Variants in ASPM observed in about 807,000 individuals in gnomAD.
ASPM encodes the protein assembly factor for spindle microtubules.
In ASPM, 256 loss-of-function variants were observed where a neutral mutation model predicts 366.4. That is an observed-to-expected ratio of 0.70 (90% CI 0.63 to 0.77). The LOEUF is 0.77. Ranked by LOEUF, ASPM falls within the 30% of genes least tolerant of loss-of-function variation. The pLI is 0.00. For synonymous variants in ASPM, 1,414 were observed against 1,342.9 expected (o/e 1.05, Z -1.16); for missense variants, 4,146 against 4,090.4 (o/e 1.01, Z -0.37).
intron 14 of ASPM, 31 bp from the exon 15 acceptor site, chr1:197,122,332 C>T (rs1255428511): frequency 1.1e-5 from 17 of 1,613,312 alleles, no homozygotes; most frequent in Admixed American, 1.7e-5. Flanking sequence ...AGAAATTAGC[C>T]GTAGCTTCAA....
In ASPM at chr1:197,088,148, C is replaced by T. The variant is rs1182421539; in HGVS notation, c.10161+108G>A. On this transcript the variant is annotated intron_variant, in intron 26 of 27. Coordinates refer to ENST00000367409, the MANE Select transcript of ASPM (RefSeq NM_018136.5). ...CGTGCAAAAAGCAGGTTTGAACACA[C>T]ATAAAACCCTATTTTAGAGTGATAA... 5.6e-6 allele frequency: 7 copies of T among 1,242,690 alleles called. No homozygotes were observed. In the East Asian group the frequency reaches 1.2e-4, roughly 21 times the overall value. 77.0% of individuals were successfully genotyped at this position (1,242,690 alleles called of 1,614,324 possible).
At chr1:197,139,296 G>A in intron 4 of ASPM, 2 of 889,018 alleles carry the variant, frequency 2.2e-6, no homozygotes, top group South Asian at 1.3e-5. Context: ...CACAGCAAAG[G>A]ATAACAGCCC....
chr1:197,113,753 G>T (rs1310288303), intron 17 of ASPM, among the ~76,000 whole-genome samples: 1 of 152,072 alleles, frequency 6.6e-6, no homozygotes, highest in African/African-American at 2.4e-5. Context: ...AACAATCATA[G>T]TATAACGCTC....
intron 13 of ASPM, among the ~76,000 whole-genome samples, chr1:197,123,843 T>A (rs190721010): frequency 6.6e-6 from 1 of 152,282 alleles, no homozygotes; most frequent in East Asian, 1.9e-4. Context: ...GATTCTTTTA[T>A]GTCCCAGTTC....
chr1:197,087,089 T>C (rs2125086470), intron 26 of ASPM, 117 bp from the exon 27 acceptor site: 2 of 949,550 alleles, frequency 2.1e-6, no homozygotes, highest in African/African-American at 1.7e-5. Flanking sequence ...TTTTTCTTTT[T>C]TGAGATGGTC....
chr1:197,118,117 C>G, intron 16 of ASPM, 134 bp from the exon 17 acceptor site: 1 of 846,884 alleles, frequency 1.2e-6, no homozygotes, highest in South Asian at 1.5e-5. Context: ...TTCTTGTGTT[C>G]ATCTTTGGAA....
rs781341693 is a variant in ASPM at position 197,106,100 on chromosome 1, C to A, written c.4066-915G>T. ...GTACCTCGCTCTCCTATAGCAGTAT[C>A]GAGTTTGCTTGCAGCTATCACTGGC... On this transcript the variant is annotated intron_variant, in intron 17 of 27. Coordinates refer to ENST00000367409, the MANE Select transcript of ASPM (RefSeq NM_018136.5). Among the ~76,000 whole-genome samples, 4 of 152,068 alleles carry A rather than the reference C, an allele frequency of 2.6e-5. No individual in the cohort carries two copies. The East Asian group carries it at 5.8e-4, about 22-fold the overall frequency.
At position 197,133,492 on chromosome 1, in the gene ASPM, C is replaced by A; in HGVS notation, c.2277G>T (p.Arg759=). Residue 759 remains arginine, a synonymous_variant, in exon 6 of 28, where the codon CGG becomes CGT. Transcript: ENST00000367409. Reference sequence around the variant, plus strand: ...CACGACGTAGTCTGTTTAACCTACACCGAGCAGTATAAGCTCTGAGAGACA... The same window carrying A: ...CACGACGTAGTCTGTTTAACCTACAACGAGCAGTATAAGCTCTGAGAGACA... The part of the protein sequence containing the change: ...EEMSLRAYTA[R]CRLNRLRRAA... The A allele has an allele frequency of 6.2e-7, 1 of 1,614,082 alleles. No homozygotes were observed. Among genetic ancestry groups the A allele is most frequent in the East Asian group, 2.2e-5 (1 of 44,854 alleles).
rs572764335 is a variant in ASPM at position 197,103,508 on chromosome 1, T to C, written c.5743A>G (p.Lys1915Glu). ...GCTGTTTTAAACAATCTAAACTGTT[T>C]CTGGGCCTTGGCCATTCTAAAAGCA... ...QSAFRMAKAQ[K>E]QFRLFKTAAL... Residue 1915 changes from lysine (K) to glutamate (E), a missense_variant, in exon 18 of 28, where the codon AAA becomes GAA. By Grantham distance (56) the Lys-to-Glu change is moderately conservative (BLOSUM62 1). Transcript: ENST00000367409. The C allele has an allele frequency of 6.2e-7, 1 of 1,613,252 alleles. No homozygotes were observed. Among genetic ancestry groups the C allele is most frequent in the Admixed American group, 1.7e-5 (1 of 59,882 alleles).
intron 17 of ASPM, among the ~76,000 whole-genome samples, chr1:197,114,757 T>A (rs1217504323): frequency 6.6e-6 from 1 of 152,114 alleles, no homozygotes; most frequent in African/African-American, 2.4e-5. Flanking sequence ...TATTTATTTT[T>A]TTTATTTTTG....
rs751067820 is a variant in ASPM, at chr1:197,103,000, T to A, written c.6251A>T (p.Asn2084Ile). Residue 2084 changes from asparagine to isoleucine, a missense_variant, in exon 18 of 28, where the codon AAC (asparagine) becomes ATC (isoleucine). Transcript: ENST00000367409. ...ATTAAGATACTCCTTATGCTGATGG[T>A]TTGTAATTTTAATACCTCGATACCA... ...QRWYRGIKIT[N>I]HQHKEYLNLK... 7 of 1,612,456 alleles carry A rather than the reference T, an allele frequency of 4.3e-6. No individual in the cohort carries two copies. In the East Asian group the frequency reaches 8.9e-5, roughly 21 times the overall value.
intron 19 of ASPM, 74 bp downstream of exon 19, chr1:197,095,924 G>T: frequency 7.9e-7 from 1 of 1,258,762 alleles, no homozygotes; most frequent in Non-Finnish European, 1.1e-6. Flanking sequence ...TCAATAAGCA[G>T]TGTTATTTTA....
At chr1:197,096,431 T>C (rs543199177) in intron 18 of ASPM, among the ~76,000 whole-genome samples, 2 of 151,902 alleles carry the variant, frequency 1.3e-5, no homozygotes, top group South Asian at 4.1e-4. Context: ...AACCAGTATT[T>C]ATAAATTGTA....
chr1:197,104,263 T>C lies in ASPM; in HGVS notation c.4988A>G (p.Gln1663Arg), dbSNP rs189212988. ...IHILTSVIKI[Q>R]SYYRAYVSKK... The stretch of plus-strand genomic sequence containing the variant: ...AGAAACATAAGCACGATAATATGAT[T>C]GAATCTTTATAACAGATGTGAGGAT... The change falls in exon 18 of 28, where the codon CAA (glutamine) becomes CGA (arginine). Residue 1663 changes from glutamine (Q) to arginine (R), a missense_variant. Gln to Arg is a conservative substitution (Grantham distance 43, BLOSUM62 1). This residue lies in a region of ASPM where 3,624 missense variants were observed against 3,591.7 expected (regional missense o/e 1.01). Transcript: ENST00000367409. 1 of 1,612,976 alleles carries C rather than the reference T, an allele frequency of 6.2e-7. No homozygotes were observed. The highest frequency in any genetic ancestry group is 1.7e-5 in the Admixed American group (1 of 59,790).
At chr1:197,086,337 C>T (rs1656587145) in intron 27 of ASPM, among the ~76,000 whole-genome samples, 1 of 151,916 alleles carries the variant, frequency 6.6e-6, no homozygotes, top group Admixed American at 6.6e-5. Flanking sequence ...CATGACGGTT[C>T]ACCAAAATAA....
intron 17 of ASPM, among the ~76,000 whole-genome samples, chr1:197,111,471 C>T (rs1008434156): frequency 6.6e-6 from 1 of 152,018 alleles, no homozygotes; most frequent in African/African-American, 2.4e-5. Context: ...CTTATATACT[C>T]CTGGTGGAAA....
Position 197,125,086 on chromosome 1 carries a change from T to A in ASPM, c.3042A>T (p.Gln1014His), listed in dbSNP as rs1254541767. ...QKMHNVDIVLQVLKSRGIELS... is the reference protein window; with the variant it reads ...QKMHNVDIVLHVLKSRGIELS... ...ATTCAATTCCTCGTGATTTAAGAACTTGAAGAACAATGTCAACATTGTGCA... is the reference window on the plus strand; with the variant it reads ...ATTCAATTCCTCGTGATTTAAGAACATGAAGAACAATGTCAACATTGTGCA... Residue 1014 changes from glutamine to histidine, a missense_variant, in exon 11 of 28, where the codon CAA (glutamine) becomes CAT (histidine). Gln to His is a conservative substitution (Grantham distance 24). Around this residue, in one of 3 missense-constraint regions of ASPM, gnomAD observed 3,624 missense variants for 3,591.7 expected, o/e 1.01. Coordinates refer to ENST00000367409, the MANE Select transcript of ASPM (RefSeq NM_018136.5). The A allele has an allele frequency of 6.2e-7, 1 of 1,614,098 alleles. No individual in the cohort carries two copies. The highest frequency in any genetic ancestry group is 1.7e-5 in the Admixed American group (1 of 60,010).
intron 10 of ASPM, among the ~76,000 whole-genome samples, chr1:197,127,632 A>C (rs1658129804): frequency 6.6e-6 from 1 of 152,168 alleles, no homozygotes; most frequent in Non-Finnish European, 1.5e-5. Context: ...CATTCCTTCT[A>C]AGCAAAACTG....
chr1:197,116,766 C>T (rs777984371), intron 17 of ASPM, among the ~76,000 whole-genome samples: 25 of 152,058 alleles, frequency 1.6e-4, no homozygotes, highest in Non-Finnish European at 2.6e-4. Context: ...CTATACTCAA[C>T]GCTGATAAAT....
Sources: gnomAD v4.1 joint callset for allele counts (sites outside exome capture counted in the v4.1 genomes callset) on GRCh38, gnomAD v4.1.1 for gene constraint, gnomAD v4.1.1 regional missense constraint, MANE v1.5 for transcripts, NCBI Gene and HGNC (gene_info 2026-07-23, HGNC 2026-07-21) for gene names.